Variants in HELLS observed in about 807,000 individuals in gnomAD.
HELLS encodes lymphoid-specific helicase.
In HELLS, 32 loss-of-function variants were observed where a neutral mutation model predicts 120.0. The ratio of observed to expected loss-of-function variants is 0.27; its 90% CI spans 0.20 to 0.36. The LOEUF is 0.36. Ranked by LOEUF, HELLS falls within the 10% of genes least tolerant of loss-of-function variation. The pLI is 1.00. For missense variants in HELLS, 650 were observed against 993.4 expected (o/e 0.65, Z 4.65); for synonymous variants, 341 against 323.4 (o/e 1.05, Z -0.58).
intron 9 of HELLS, chr10:94,608,067 A>C (rs1846147296): frequency 5.3e-6 from 1 of 188,426 alleles, no homozygotes; most frequent in Non-Finnish European, 1.2e-5. Context: ...TAATTTTTAC[A>C]TTAAGAACAT....
intron 10 of HELLS, 130 bp downstream of exon 10, chr10:94,576,935 C>A: frequency 1.3e-6 from 1 of 741,490 alleles, no homozygotes; most frequent in Non-Finnish European, 2.2e-6. Flanking sequence ...TTATATTGTG[C>A]ATATACCTGT....
At chr10:94,606,161 CT>C (rs944265884), downstream of HELLS, among the ~76,000 whole-genome samples, 4 of 151,008 alleles carry the variant, frequency 2.6e-5, no homozygotes, top group Non-Finnish European at 5.9e-5. Context: ...CCCTATGTCA[CT>C]CAAGTAATGT....
At chr10:94,576,078 A>G (rs975907800) in intron 9 of HELLS, among the ~76,000 whole-genome samples, 1 of 151,572 alleles carries the variant, frequency 6.6e-6, no homozygotes, top group African/African-American at 2.4e-5. Context: ...GATTACAGGT[A>G]TGAGCCATCC....
chr10:94,581,576 A>G (rs910596624), intron 11 of HELLS, 54 bp downstream of exon 11: 2 of 1,319,242 alleles, frequency 1.5e-6, no homozygotes, highest in Admixed American at 4.9e-5. Flanking sequence ...GCTGTTAGTT[A>G]AAATTACTTT....
intron 2 of HELLS, among the ~76,000 whole-genome samples, chr10:94,553,432 A>C (rs183825854): frequency 2.8e-4 from 43 of 151,332 alleles, no homozygotes; most frequent in Admixed American, 2.6e-4. Context: ...TAGTTTTAGT[A>C]GAGATGGGGT....
downstream of HELLS, among the ~76,000 whole-genome samples, chr10:94,602,638 G>A (rs758450827): frequency 1.3e-5 from 2 of 152,114 alleles, no homozygotes; most frequent in African/African-American, 2.4e-5. Flanking sequence ...TAATGGAACC[G>A]TCACTTAAGA....
chr10:94,587,630 G>A (rs546593217), intron 12 of HELLS, among the ~76,000 whole-genome samples: 40 of 152,166 alleles, frequency 2.6e-4, no homozygotes, highest in Non-Finnish European at 4.1e-4. Context: ...GTTTCACCAT[G>A]TTCACCAGGC....
intron 12 of HELLS, among the ~76,000 whole-genome samples, chr10:94,586,366 C>CT (rs1163191040): frequency 2.6e-5 from 4 of 152,222 alleles, no homozygotes; most frequent in Admixed American, 6.5e-5. Context: ...CGTGATCCGC[C>CT]TGCCTTGGCC....
intron 13 of HELLS, 32 bp from the exon 14 acceptor site, chr10:94,590,381 A>C (rs1312313281): frequency 6.3e-7 from 1 of 1,575,734 alleles, no homozygotes; most frequent in African/African-American, 1.4e-5. Flanking sequence ...TAGCTTTATA[A>C]ACTGAATTTC....
chr10:94,575,754 T>TGG lies in HELLS; in HGVS notation c.889-899_889-898dup, dbSNP rs71031587. 1.6e-3 allele frequency among the ~76,000 whole-genome samples: 205 copies of TGG among 131,292 alleles called. 1 individual carries two copies. The highest frequency in any genetic ancestry group is 0.013 in the East Asian group (47 of 3,482). The allele number at this position is 131,292 out of a possible 152,430, so 86.1% of individuals were successfully genotyped here. A position where few individuals can be genotyped will look rare whatever the true frequency, so the allele number is the denominator to read the frequency against. On this transcript the variant is annotated intron_variant, in intron 9 of 21. Coordinates refer to ENST00000348459, the MANE Select transcript of HELLS (RefSeq NM_018063.5). ...TTTTATGTATTTGTAGGTTTTTTGT[T>TGG]GGGGGGGGGGTTGTGTTTGTGTGTG...
chr10:94,578,400 A>G (rs1331771647), intron 10 of HELLS, among the ~76,000 whole-genome samples: 1 of 152,134 alleles, frequency 6.6e-6, no homozygotes, highest in South Asian at 2.1e-4. Context: ...ATTGTCATAT[A>G]TAATGAAATA....
At chr10:94,574,230 C>G in intron 8 of HELLS, 43 bp downstream of exon 8, 1 of 1,244,370 alleles carries the variant, frequency 8.0e-7, no homozygotes, top group Non-Finnish European at 1.2e-6. Flanking sequence ...GGTTTTATTT[C>G]TATAGTAGCC....
intron 6 of HELLS, chr10:94,569,595 G>T (rs983637489): frequency 6.6e-6 from 1 of 151,832 alleles, no homozygotes; most frequent in Non-Finnish European, 1.5e-5. Context: ...TTAGGGATGG[G>T]GGCTTGCTGT....
chr10:94,586,731 G>A (rs906415401), intron 12 of HELLS, among the ~76,000 whole-genome samples: 1 of 151,826 alleles, frequency 6.6e-6, no homozygotes, highest in Non-Finnish European at 1.5e-5. Flanking sequence ...CGTCTCTGTC[G>A]CCCAGGCTAG....
In HELLS at chr10:94,590,439, T is replaced by C. The variant is rs1308897196; in HGVS notation, c.1515T>C (p.Thr505=). 2 of 1,609,200 alleles carry C rather than the reference T, an allele frequency of 1.2e-6. No individual in the cohort carries two copies. Among genetic ancestry groups the C allele is most frequent in the Non-Finnish European group, 1.7e-6 (2 of 1,179,042 alleles). The change falls in exon 14 of 22, where the codon ACT becomes ACC. Residue 505 remains threonine, a synonymous_variant. Coordinates refer to ENST00000348459, the MANE Select transcript of HELLS (RefSeq NM_018063.5). The part of the protein sequence containing the change: ...SEKETIELSP[T]GRPKRRTRKS... Reference sequence around the variant, plus strand: ...AAGAAACAATTGAGTTAAGTCCTACTGGTCGACCAAAACGACGAACTAGAA... The same window carrying C: ...AAGAAACAATTGAGTTAAGTCCTACCGGTCGACCAAAACGACGAACTAGAA...
rs1045641742 is a variant in HELLS, at chr10:94,562,216, A to G, written c.334-475A>G. 2.0e-5 allele frequency among the ~76,000 whole-genome samples: 3 copies of G among 152,174 alleles called. No homozygotes were observed. In the East Asian group the frequency reaches 5.9e-4, roughly 30 times the overall value. ...GTCAGAAATTCAAGACTAGCTGGCC[A>G]ACGTGGTGAAACCCCATCTCTACTA... On this transcript the variant is annotated intron_variant, in intron 4 of 21. Transcript: ENST00000348459.
At chr10:94,579,462 G>C (rs1844706280) in intron 10 of HELLS, among the ~76,000 whole-genome samples, 1 of 151,576 alleles carries the variant, frequency 6.6e-6, no homozygotes. Context: ...CAGCCTCCCA[G>C]AGAACTACTA....
At position 94,545,882 on chromosome 10, in the gene HELLS, C is replaced by G. The variant is rs1211026830; in HGVS notation, c.-40C>G. The G allele has an allele frequency of 1.3e-6, 2 of 1,551,526 alleles. No homozygotes were observed. Among genetic ancestry groups the G allele is most frequent in the East Asian group, 2.4e-5 (1 of 41,000 alleles). Reference sequence around the variant, plus strand: ...GAGTTAGCTCGCGGCATTGCAGGCTCTGAGAGGAGGGGACCCGGTTCCCGG... The same window carrying G: ...GAGTTAGCTCGCGGCATTGCAGGCTGTGAGAGGAGGGGACCCGGTTCCCGG... On this transcript the variant is annotated 5_prime_UTR_variant, in exon 1 of 22. Coordinates refer to ENST00000348459, the MANE Select transcript of HELLS (RefSeq NM_018063.5).
At chr10:94,574,351 A>C in intron 8 of HELLS, 164 bp downstream of exon 8, 1 of 696,846 alleles carries the variant, frequency 1.4e-6, no homozygotes, top group South Asian at 2.0e-5. Context: ...TTAGAAGTAG[A>C]AATTACCTTG....
Sources: gnomAD v4.1 joint callset for allele counts (sites outside exome capture counted in the v4.1 genomes callset) on GRCh38, gnomAD v4.1.1 for gene constraint, MANE v1.5 for transcripts, NCBI Gene and HGNC (gene_info 2026-07-23, HGNC 2026-07-21) for gene names.